Variants in CAMK1D observed in about 807,000 individuals in gnomAD.
The protein encoded by CAMK1D is calcium/calmodulin-dependent protein kinase type 1D.
Under a neutral mutation model 47.7 loss-of-function variants are expected in CAMK1D, and 9 were observed. The observed-to-expected ratio is 0.19, with a 90% CI of 0.11 to 0.33. The LOEUF (loss-of-function observed/expected upper bound fraction) is 0.33. Among genes scored for constraint, CAMK1D ranks in the 10% least tolerant of loss-of-function variants. The pLI, the probability that CAMK1D is intolerant of heterozygous loss-of-function variation, is 1.00. For synonymous variants in CAMK1D, 184 were observed against 184.9 expected, an observed-to-expected ratio of 0.99 and a Z score of 0.04; for missense variants, 291 against 488.7, an observed-to-expected ratio of 0.60 and a Z score of 3.81.
chr10:12,565,319 G>C (rs952264683), intron 2 of CAMK1D, among the ~76,000 whole-genome samples: 5 of 152,016 alleles, frequency 3.3e-5, no homozygotes, highest in Non-Finnish European at 7.4e-5. Flanking sequence ...GGCACGACTC[G>C]GCCCACTGCA....
chr10:12,669,694 C>T (rs750256811), intron 3 of CAMK1D, among the ~76,000 whole-genome samples: 65 of 152,270 alleles, frequency 4.3e-4, no homozygotes, highest in Non-Finnish European at 7.9e-4. Context: ...TCTTCTCTTC[C>T]TCATTCATGA....
intron 1 of CAMK1D, among the ~76,000 whole-genome samples, chr10:12,397,121 A>G (rs1487935917): frequency 2.0e-5 from 3 of 152,218 alleles, no homozygotes; most frequent in Non-Finnish European, 4.4e-5. Flanking sequence ...GCTGCCTTAC[A>G]GAAGTGATTA....
intron 1 of CAMK1D, among the ~76,000 whole-genome samples, chr10:12,456,855 A>T (rs1049584608): frequency 6.6e-6 from 1 of 151,434 alleles, no homozygotes; most frequent in East Asian, 1.9e-4. Context: ...ATCTGGTGCC[A>T]TGAACTAACA....
At chr10:12,575,030 C>G (rs755697465) in intron 2 of CAMK1D, among the ~76,000 whole-genome samples, 4 of 152,168 alleles carry the variant, frequency 2.6e-5, no homozygotes, top group Non-Finnish European at 5.9e-5. Flanking sequence ...GGACCACAAT[C>G]CAACATGAGA....
chr10:12,404,497 T>C (rs1444164078), intron 1 of CAMK1D, among the ~76,000 whole-genome samples: 3 of 152,212 alleles, frequency 2.0e-5, no homozygotes, highest in Non-Finnish European at 4.4e-5. Flanking sequence ...CCTTAATTAG[T>C]TGCAAAGATT....
chr10:12,481,184 C>T (rs1339834870), intron 1 of CAMK1D, among the ~76,000 whole-genome samples: 3 of 152,166 alleles, frequency 2.0e-5, no homozygotes, highest in Non-Finnish European at 4.4e-5. Flanking sequence ...CCAATTACTC[C>T]TGTAAATAAC....
At chr10:12,735,172 T>G (rs1226420170) in intron 3 of CAMK1D, among the ~76,000 whole-genome samples, 1 of 152,216 alleles carries the variant, frequency 6.6e-6, no homozygotes, top group Non-Finnish European at 1.5e-5. Context: ...TTTACAGATG[T>G]GAGTTTAAGA....
chr10:12,633,301 A>G (rs1372891828), intron 2 of CAMK1D, among the ~76,000 whole-genome samples: 1 of 152,164 alleles, frequency 6.6e-6, no homozygotes, highest in Non-Finnish European at 1.5e-5. Context: ...AATGGAATCC[A>G]GGCATTTGTA....
At chr10:12,791,922 T>C (rs1391396623) in intron 6 of CAMK1D, among the ~76,000 whole-genome samples, 3 of 152,198 alleles carry the variant, frequency 2.0e-5, no homozygotes. Context: ...GCACCACCAA[T>C]TTACATTCCC....
At chr10:12,547,008 G>C (rs1836399586) in intron 1 of CAMK1D, among the ~76,000 whole-genome samples, 1 of 152,194 alleles carries the variant, frequency 6.6e-6, no homozygotes. Context: ...CAAAGGACCA[G>C]AAGGGGCTCA....
intron 1 of CAMK1D, among the ~76,000 whole-genome samples, chr10:12,421,978 G>A (rs1840069414): frequency 6.6e-6 from 1 of 151,952 alleles, no homozygotes; most frequent in Non-Finnish European, 1.5e-5. Context: ...CACCATGCCT[G>A]GCTAATTTTT....
rs1372415715 is a variant in CAMK1D, at chr10:12,834,552, C to T, written c.*5665C>T. ...ATAAAGGGACAAACGGTTGCATTCA[C>T]CCTTTGTACTATAACACCGCTTCTG... On this transcript the variant is annotated 3_prime_UTR_variant, in exon 11 of 11. Coordinates refer to ENST00000619168, the MANE Select transcript of CAMK1D (RefSeq NM_153498.4). The T allele has an allele frequency of 6.6e-6, 1 of 152,122 alleles. No homozygotes were observed. Among genetic ancestry groups the T allele is most frequent in the African/African-American group, 2.4e-5 (1 of 41,412 alleles). 9.4% of individuals were successfully genotyped at this position (152,122 alleles called of 1,614,324 possible).
chr10:12,365,075 G>C (rs1425631747), intron 1 of CAMK1D, among the ~76,000 whole-genome samples: 1 of 151,764 alleles, frequency 6.6e-6, no homozygotes, highest in Non-Finnish European at 1.5e-5. Context: ...TCCTGCCTCA[G>C]CCTCCTAAGT....
intron 2 of CAMK1D, among the ~76,000 whole-genome samples, chr10:12,560,549 A>G (rs981084887): frequency 4.5e-5 from 6 of 132,804 alleles, no homozygotes; most frequent in Non-Finnish European, 8.0e-5. Context: ...GGAAAACTCT[A>G]TCTCGGAAAA....
At chr10:12,620,120 T>G (rs1201130486) in intron 2 of CAMK1D, among the ~76,000 whole-genome samples, 1 of 145,736 alleles carries the variant, frequency 6.9e-6, no homozygotes, top group Non-Finnish European at 1.5e-5. Context: ...GTCCAGTTTT[T>G]GACTATTAAA....
At position 12,771,366 on chromosome 10, in the gene CAMK1D, A is replaced by C. The variant is rs185356423; in HGVS notation, c.565+1567A>C. ...TTGGGGACATCCACAGAACCTTCCC[A>C]GGCAGGCTGAGGAGAGCCGGCCTCA... On this transcript the variant is annotated intron_variant, in intron 5 of 10. Transcript: ENST00000619168. Among the ~76,000 whole-genome samples the C allele has an allele frequency of 5.6e-3, 855 of 152,362 alleles. 9 individuals carry two copies. The highest frequency in any genetic ancestry group is 0.019 in the African/African-American group (801 of 41,586).
chr10:12,559,385 A>G (rs1388489500), intron 2 of CAMK1D, among the ~76,000 whole-genome samples: 1 of 152,144 alleles, frequency 6.6e-6, no homozygotes, highest in East Asian at 1.9e-4. Context: ...GTGCTGGAAA[A>G]TTGAAAAAGC....
intron 6 of CAMK1D, among the ~76,000 whole-genome samples, chr10:12,811,805 C>T (rs1228656566): frequency 2.6e-5 from 4 of 152,198 alleles, no homozygotes; most frequent in Non-Finnish European, 4.4e-5. Context: ...GCTCTGTCTG[C>T]GTTTCCTAAT....
intron 6 of CAMK1D, among the ~76,000 whole-genome samples, chr10:12,810,928 C>T (rs1041681913): frequency 6.6e-6 from 1 of 152,226 alleles, no homozygotes; most frequent in Non-Finnish European, 1.5e-5. Flanking sequence ...TGACCCTGGG[C>T]CTCATTGCAG....
Sources: allele counts gnomAD v4.1 joint callset (sites outside exome capture counted in the v4.1 genomes callset), GRCh38; gene constraint gnomAD v4.1.1; transcripts MANE v1.5; gene names NCBI Gene and HGNC (gene_info 2026-07-23, HGNC 2026-07-21).